The following CEP104 variants were observed in gnomAD, a reference collection of about 807,000 sequenced individuals.
CEP104 encodes centrosomal protein 104, also known as centrosomal protein of 104 kDa.
Under a neutral mutation model 113.3 loss-of-function variants are expected in CEP104, and 84 were observed. The ratio of observed to expected loss-of-function variants is 0.74; its 90% CI spans 0.62 to 0.89. The LOEUF (loss-of-function observed/expected upper bound fraction) is 0.89, where lower values mean the gene tolerates loss of function less well. CEP104 is among the 40% of genes least tolerant of loss of function. The probability of loss-of-function intolerance (pLI) is 0.00; values close to 1 mark genes in which losing one functional copy is unlikely to be tolerated. For synonymous variants in CEP104, 378 were observed against 421.7 expected, an observed-to-expected ratio of 0.90 and a Z score of 1.27; for missense variants, 1,053 against 1,156.6, an observed-to-expected ratio of 0.91 and a Z score of 1.30.
At chr1:3,825,662 A>C (rs1164276553) in intron 18 of CEP104, 96 bp downstream of exon 18, 13 of 800,082 alleles carry the variant, frequency 1.6e-5, no homozygotes, top group Non-Finnish European at 2.8e-5. Flanking sequence ...TCTCCTCTGA[A>C]AATACTAAGA....
chr1:3,812,154 A>G lies in CEP104; in HGVS notation c.*3248T>C, dbSNP rs2124623006. 6.6e-6 allele frequency: 1 copy of G among 152,322 alleles called. No individual in the cohort carries two copies. The highest frequency in any genetic ancestry group is 2.1e-4 in the South Asian group (1 of 4,826). The allele number at this position is 152,322 out of a possible 1,614,324, so 9.4% of individuals were successfully genotyped here. On this transcript the variant is annotated 3_prime_UTR_variant, in exon 22 of 22. Coordinates refer to ENST00000378230, the MANE Select transcript of CEP104 (RefSeq NM_014704.4). Reference sequence around the variant, plus strand: ...ACCCTTAAGCCCTAAAACGACAACAAAAATATATTACTTAGATATTTTGTA... The same window carrying G: ...ACCCTTAAGCCCTAAAACGACAACAGAAATATATTACTTAGATATTTTGTA...
chr1:3,855,888 A>T (rs1228309082), intron 1 of CEP104: 2 of 985,052 alleles, frequency 2.0e-6, no homozygotes, highest in East Asian at 2.3e-4. Context: ...GGCATGAGGG[A>T]TCCCTGTTGT....
chr1:3,838,866 A>G (rs555146345), intron 8 of CEP104, 98 bp downstream of exon 8: 1,465 of 1,338,046 alleles, frequency 1.1e-3, no homozygotes, highest in Admixed American at 1.5e-3. Flanking sequence ...AGTGTTTTAC[A>G]CTACACTTCA....
At chr1:3,820,146 G>A (rs1348103826) in intron 20 of CEP104, among the ~76,000 whole-genome samples, 2 of 152,118 alleles carry the variant, frequency 1.3e-5, no homozygotes, top group East Asian at 1.9e-4. Context: ...CATGAGATAC[G>A]CCTGGTGACA....
rs1027222115 is a variant in CEP104, at chr1:3,836,776, T to C, written c.1120-84A>G. The stretch of plus-strand genomic sequence containing the variant: ...GTGCAACTCTCACTGGCAGGCTTAC[T>C]GCGCTTACTTACCTGATCTGAAAGA... On this transcript the variant is annotated intron_variant, in intron 9 of 21. Coordinates refer to ENST00000378230, the MANE Select transcript of CEP104 (RefSeq NM_014704.4). 2.5e-6 allele frequency: 3 copies of C among 1,180,806 alleles called. No individual in the cohort carries two copies. The African/African-American group carries it at 4.5e-5, about 18-fold the overall frequency. 73.1% of individuals were successfully genotyped at this position (1,180,806 alleles called of 1,614,324 possible). A position where few individuals can be genotyped will look rare whatever the true frequency, so the allele number is the denominator to read the frequency against.
intron 20 of CEP104, among the ~76,000 whole-genome samples, chr1:3,818,052 T>C (rs550103110): frequency 6.6e-6 from 1 of 152,336 alleles, no homozygotes; most frequent in South Asian, 2.1e-4. Context: ...CAAGTGCAGA[T>C]GCAAGAGCCA....
chr1:3,854,434 C>T (rs1644672519), intron 1 of CEP104, among the ~76,000 whole-genome samples: 1 of 152,200 alleles, frequency 6.6e-6, no homozygotes, highest in Admixed American at 6.5e-5. Context: ...AAAGTTAATA[C>T]CCTTCAGCTC....
At chr1:3,834,837 T>C in intron 11 of CEP104, 88 bp downstream of exon 11, 3 of 1,242,866 alleles carry the variant, frequency 2.4e-6, no homozygotes, top group Non-Finnish European at 3.3e-6. Context: ...GACCAACTGG[T>C]CCTCTCTCAA....
rs546742564 is a variant in CEP104 at position 3,830,171 on chromosome 1, G to A, written c.1837-174C>T. Among the ~76,000 whole-genome samples, 16 of 152,024 alleles carry A rather than the reference G, an allele frequency of 1.1e-4. No homozygotes were observed. The East Asian group carries it at 1.7e-3, about 17-fold the overall frequency. On this transcript the variant is annotated intron_variant, in intron 13 of 21. Transcript: ENST00000378230. ...CGGATCTACCGTCTCATCGTAAGCC[G>A]TGTTATACTTTCATCACGCTTGTTT... is the stretch of plus-strand genomic sequence containing the variant.
Position 3,813,325 on chromosome 1 carries a change from A to G in CEP104, c.*2077T>C, listed in dbSNP as rs1643824883. The G allele has an allele frequency of 6.6e-6, 1 of 150,550 alleles. No homozygotes were observed. The highest frequency in any genetic ancestry group is 6.6e-5 in the Admixed American group (1 of 15,142). The allele number at this position is 150,550 out of a possible 1,614,324, so 9.3% of individuals were successfully genotyped here. A position where few individuals can be genotyped will look rare whatever the true frequency, so the allele number is the denominator to read the frequency against. On this transcript the variant is annotated 3_prime_UTR_variant, in exon 22 of 22. Coordinates refer to ENST00000378230, the MANE Select transcript of CEP104 (RefSeq NM_014704.4). ...GAGTGCAATGGCATGATGTGGGCTCAATGCAACCTCCACCTCCCGGGTTCA... is the reference window on the plus strand; with the variant it reads ...GAGTGCAATGGCATGATGTGGGCTCGATGCAACCTCCACCTCCCGGGTTCA...
Position 3,829,838 on chromosome 1 carries a change from C to T in CEP104, c.1996G>A (p.Glu666Lys), listed in dbSNP as rs1165126536. 1.2e-6 allele frequency: 2 copies of T among 1,614,084 alleles called. No individual in the cohort carries two copies. The highest frequency in any genetic ancestry group is 1.7e-6 in the Non-Finnish European group (2 of 1,180,050). Residue 666 changes from glutamate (E) to lysine (K), a missense_variant, in exon 14 of 22, where the codon GAG becomes AAG. Coordinates refer to ENST00000378230, the MANE Select transcript of CEP104 (RefSeq NM_014704.4). ...CTGCCATCTATTTTAGCAAATCCCT[C>T]AAAAATTGTTTTGTAGAGAATGTTC... The part of the protein sequence containing the change: ...RRNILYKTIF[E>K]GFAKIDGRAT...
chr1:3,853,706 T>C (rs1644659435), intron 1 of CEP104, among the ~76,000 whole-genome samples: 2 of 152,166 alleles, frequency 1.3e-5, no homozygotes, highest in African/African-American at 4.8e-5. Context: ...GAGATTCTAG[T>C]TATTTTTTGC....
In CEP104 at chr1:3,816,312, TG is replaced by T; in HGVS notation, c.2629del (p.His877ThrfsTer38). 6.4e-7 allele frequency: 1 copy of T among 1,553,578 alleles called. No individual in the cohort carries two copies. The highest frequency in any genetic ancestry group is 8.7e-7 in the Non-Finnish European group (1 of 1,147,984). ...AGCTMNLRKT[H>X]ILQKAPALQP... ...CAGTGCCGGGGCCTTCTGCAGAATG[TG>T]TGTCTTGCGCAGGTTCATCGTGCAG... On this transcript the variant is annotated frameshift_variant, in exon 21 of 22. Transcript: ENST00000378230. LOFTEE classifies it low-confidence loss of function (END_TRUNC).
chr1:3,844,298 C>T (rs1644466898), intron 6 of CEP104, among the ~76,000 whole-genome samples: 1 of 152,118 alleles, frequency 6.6e-6, no homozygotes, highest in African/African-American at 2.4e-5. Context: ...AGGAAGTAGT[C>T]TCTGCTGAGC....
In CEP104 at chr1:3,836,492, T is replaced by TTAA; in HGVS notation, c.1317+2_1317+3insTTA. 1 of 1,543,054 alleles carries TTAA rather than the reference T, an allele frequency of 6.5e-7. No individual in the cohort carries two copies. Among genetic ancestry groups the TTAA allele is most frequent in the Non-Finnish European group, 8.7e-7 (1 of 1,149,612 alleles). On this transcript the variant is annotated splice_region_variant and intron_variant, in intron 10 of 21. Coordinates refer to ENST00000378230, the MANE Select transcript of CEP104 (RefSeq NM_014704.4). ...CGTTTTTTTTTTTTTTTTTTTTTTTTACCAAGGTTTCTCCCAACACATCGA... is the reference window on the plus strand; with the variant it reads ...CGTTTTTTTTTTTTTTTTTTTTTTTTTAAACCAAGGTTTCTCCCAACACATCGA...
chr1:3,844,392 G>C (rs966096371), intron 6 of CEP104, among the ~76,000 whole-genome samples: 12 of 152,148 alleles, frequency 7.9e-5, no homozygotes, highest in Non-Finnish European at 1.5e-5. Flanking sequence ...TGGATCACCT[G>C]AGGTCAGGCT....
chr1:3,842,008 G>A (rs779846433), intron 6 of CEP104, among the ~76,000 whole-genome samples: 4 of 152,372 alleles, frequency 2.6e-5, no homozygotes, highest in Middle Eastern at 3.4e-3. Context: ...TTGCCAGCTT[G>A]AAGGATGGGA....
Position 3,816,314 on chromosome 1 carries a change from TGTCTTGCGCA to T in CEP104, c.2618_2627del (p.Leu873HisfsTer39). The T allele has an allele frequency of 6.4e-7, 1 of 1,553,674 alleles. No individual in the cohort carries two copies. Among genetic ancestry groups the T allele is most frequent in the Non-Finnish European group, 8.7e-7 (1 of 1,148,016 alleles). On this transcript the variant is annotated frameshift_variant, in exon 21 of 22. Coordinates refer to ENST00000378230, the MANE Select transcript of CEP104 (RefSeq NM_014704.4). LOFTEE classifies it low-confidence loss of function (END_TRUNC). Reference sequence around the variant, plus strand: ...GTGCCGGGGCCTTCTGCAGAATGTGTGTCTTGCGCAGGTTCATCGTGCAGCCGGCTGGGCC... The same window carrying T: ...GTGCCGGGGCCTTCTGCAGAATGTGTGGTTCATCGTGCAGCCGGCTGGGCC...
At position 3,812,497 on chromosome 1, in the gene CEP104, T is replaced by C. The variant is rs947500242; in HGVS notation, c.*2905A>G. On this transcript the variant is annotated 3_prime_UTR_variant, in exon 22 of 22. Coordinates refer to ENST00000378230, the MANE Select transcript of CEP104 (RefSeq NM_014704.4). ...TTGGTCCCTTAACAATGTATAACCC[T>C]GTAAAACTCTCAATAGCCACTAATC... is the stretch of plus-strand genomic sequence containing the variant. 3 of 152,216 alleles carry C rather than the reference T, an allele frequency of 2.0e-5. No homozygotes were observed. Among genetic ancestry groups the C allele is most frequent in the African/African-American group, 4.8e-5 (2 of 41,454 alleles). 9.4% of individuals were successfully genotyped at this position (152,216 alleles called of 1,614,324 possible).
Sources: allele counts gnomAD v4.1 joint callset (sites outside exome capture counted in the v4.1 genomes callset), GRCh38; gene constraint gnomAD v4.1.1; transcripts MANE v1.5; gene names NCBI Gene and HGNC (gene_info 2026-07-23, HGNC 2026-07-21).